PSMD14: variants seen among roughly 807,000 people sequenced by gnomAD.
The protein encoded by PSMD14 is proteasome 26S subunit, non-ATPase 14, also known as ubiquitin C-terminal hydrolase PSMD14.
A neutral mutation model predicts 41.2 loss-of-function variants in PSMD14; 7 were observed. The observed-to-expected ratio is 0.17, with a 90% CI of 0.10 to 0.32. The LOEUF (loss-of-function observed/expected upper bound fraction) is 0.32. PSMD14 is among the 10% of genes least tolerant of loss of function. The pLI is 1.00. For missense variants in PSMD14, 139 were observed against 375.6 expected (o/e 0.37, Z 5.21); for synonymous variants, 114 against 122.3 (o/e 0.93, Z 0.45).
intron 1 of PSMD14, among the ~76,000 whole-genome samples, chr2:161,315,547 T>C (rs1559036297): frequency 1.3e-5 from 2 of 152,198 alleles, no homozygotes; most frequent in South Asian, 2.1e-4. Flanking sequence ...GTCAGTGCTT[T>C]CTACAACACA....
At chr2:161,326,818 T>A (rs1237964521) in intron 3 of PSMD14, among the ~76,000 whole-genome samples, 1 of 152,252 alleles carries the variant, frequency 6.6e-6, no homozygotes, top group East Asian at 1.9e-4. Context: ...ACACAGTCTC[T>A]CGCATACATT....
At chr2:161,325,422 G>A (rs940058481) in intron 3 of PSMD14, among the ~76,000 whole-genome samples, 1 of 152,126 alleles carries the variant, frequency 6.6e-6, no homozygotes, top group African/African-American at 2.4e-5. Context: ...GTTTCTTATT[G>A]TGGTGGTTGG....
chr2:161,359,747 A>C (rs1449747107), intron 3 of PSMD14, among the ~76,000 whole-genome samples: 1 of 152,204 alleles, frequency 6.6e-6, no homozygotes, highest in Non-Finnish European at 1.5e-5. Context: ...GGATTCTAAA[A>C]TTATAAACAA....
intron 1 of PSMD14, among the ~76,000 whole-genome samples, chr2:161,312,196 T>C (rs62197074): frequency 0.068 from 10,255 of 150,814 alleles, 471 homozygotes; most frequent in East Asian, 0.17. Flanking sequence ...CAGGCTGGAG[T>C]GCGGTGGCGC....
intron 3 of PSMD14, among the ~76,000 whole-genome samples, chr2:161,327,981 T>TGTGTGTGTGTGTGTGA (rs1268803464): frequency 8.7e-4 from 129 of 149,014 alleles, no homozygotes; most frequent in African/African-American, 3.0e-3. Context: ...TGTGTGTGTG[T>TGTGTGTGTGTGTGTGA]GTGAGATGTT....
intron 7 of PSMD14, among the ~76,000 whole-genome samples, chr2:161,373,230 A>G (rs920512389): frequency 6.6e-6 from 1 of 151,908 alleles, no homozygotes; most frequent in Non-Finnish European, 1.5e-5. Flanking sequence ...TTTTTAAAAA[A>G]TAATATATCT....
chr2:161,351,537 T>C (rs754904731), intron 3 of PSMD14, among the ~76,000 whole-genome samples: 7 of 152,210 alleles, frequency 4.6e-5, no homozygotes, highest in Non-Finnish European at 1.0e-4. Context: ...TTTGCCCCCA[T>C]TGTGTATTAA....
intron 11 of PSMD14, among the ~76,000 whole-genome samples, chr2:161,410,948 G>T (rs1684014711): frequency 6.6e-6 from 1 of 152,042 alleles, no homozygotes; most frequent in Non-Finnish European, 1.5e-5. Flanking sequence ...GAACGGTAGA[G>T]AATATACACA....
chr2:161,317,479 C>T (rs769426015), intron 2 of PSMD14, among the ~76,000 whole-genome samples: 1 of 152,046 alleles, frequency 6.6e-6, no homozygotes, highest in Non-Finnish European at 1.5e-5. Context: ...AGACTGGAAG[C>T]GGGGCTTGGG....
chr2:161,405,661 T>C (rs1683938895), intron 10 of PSMD14, among the ~76,000 whole-genome samples: 1 of 152,178 alleles, frequency 6.6e-6, no homozygotes, highest in Non-Finnish European at 1.5e-5. Context: ...TTAAAAATCA[T>C]GAAAGAAGTA....
chr2:161,408,493 T>G (rs1019312085), intron 10 of PSMD14: 3 of 276,066 alleles, frequency 1.1e-5, no homozygotes, highest in African/African-American at 6.7e-5. Context: ...AGAACAGAAT[T>G]AGTACCACAG....
At chr2:161,309,667 A>G (rs945842932) in intron 1 of PSMD14, among the ~76,000 whole-genome samples, 1 of 152,228 alleles carries the variant, frequency 6.6e-6, no homozygotes, top group Non-Finnish European at 1.5e-5. Context: ...TGAATTAACT[A>G]CAGTTAAGGT....
chr2:161,381,634 AT>A (rs894914680), intron 7 of PSMD14: 5 of 151,904 alleles, frequency 3.3e-5, no homozygotes, highest in Non-Finnish European at 7.4e-5. Flanking sequence ...GAAAACACAA[AT>A]TTTAAAATAA....
At chr2:161,317,294 T>C (rs1197067418) in intron 2 of PSMD14, among the ~76,000 whole-genome samples, 1 of 152,196 alleles carries the variant, frequency 6.6e-6, no homozygotes, top group Non-Finnish European at 1.5e-5. Flanking sequence ...TTACCACGTT[T>C]TCTTATATGC....
At chr2:161,368,251 A>C (rs1022505345) in intron 5 of PSMD14, among the ~76,000 whole-genome samples, 2 of 152,002 alleles carry the variant, frequency 1.3e-5, no homozygotes, top group African/African-American at 4.8e-5. Flanking sequence ...GATTCTCTTA[A>C]TTTAGATTTT....
intron 3 of PSMD14, among the ~76,000 whole-genome samples, chr2:161,348,079 T>G (rs1428120107): frequency 1.3e-5 from 2 of 152,206 alleles, no homozygotes; most frequent in African/African-American, 2.4e-5. Flanking sequence ...ATGTATATGC[T>G]AGTGAGAGTA....
intron 3 of PSMD14, among the ~76,000 whole-genome samples, chr2:161,338,961 A>C (rs1233077122): frequency 6.6e-6 from 1 of 152,168 alleles, no homozygotes; most frequent in Non-Finnish European, 1.5e-5. Context: ...GATTCTTCAG[A>C]GTGTGTATTC....
intron 3 of PSMD14, among the ~76,000 whole-genome samples, chr2:161,359,135 A>G (rs1424290611): frequency 6.6e-6 from 1 of 151,926 alleles, no homozygotes; most frequent in Non-Finnish European, 1.5e-5. Context: ...TGCCTGGCAA[A>G]TCTTTAAAAA....
intron 10 of PSMD14, among the ~76,000 whole-genome samples, chr2:161,396,788 G>A (rs1158083021): frequency 6.6e-6 from 1 of 152,070 alleles, no homozygotes; most frequent in Non-Finnish European, 1.5e-5. Flanking sequence ...TAGCACTTGG[G>A]ATGTCAGGAT....
Sources: allele counts gnomAD v4.1 joint callset (sites outside exome capture counted in the v4.1 genomes callset), GRCh38; gene constraint gnomAD v4.1.1; transcripts MANE v1.5; gene names NCBI Gene and HGNC (gene_info 2026-07-23, HGNC 2026-07-21).